Variants in NECTIN3 observed in about 807,000 individuals in gnomAD.
NECTIN3 encodes the protein nectin-3.
A neutral mutation model predicts 49.4 loss-of-function variants in NECTIN3; 8 were observed. That is an observed-to-expected ratio of 0.16 (90% CI 0.10 to 0.29). The LOEUF (loss-of-function observed/expected upper bound fraction) is 0.29. Among genes scored for constraint, NECTIN3 ranks in the 10% least tolerant of loss-of-function variants. NECTIN3 has a pLI of 1.00. For synonymous variants in NECTIN3, 277 were observed against 241.1 expected, an observed-to-expected ratio of 1.15 and a Z score of -1.38; for missense variants, 581 against 654.6, an observed-to-expected ratio of 0.89 and a Z score of 1.23.
chr3:111,178,618 C>T (rs2035573709), intron 7 of NECTIN3, among the ~76,000 whole-genome samples: 1 of 152,180 alleles, frequency 6.6e-6, no homozygotes, highest in African/African-American at 2.4e-5. Flanking sequence ...AACTTAGACT[C>T]GTACGGATGA....
chr3:111,108,344 C>G (rs1248639600), intron 1 of NECTIN3, among the ~76,000 whole-genome samples: 1 of 151,534 alleles, frequency 6.6e-6, no homozygotes, highest in Non-Finnish European at 1.5e-5. Context: ...GAGAGAGAGG[C>G]TTTCCTAACC....
chr3:111,130,061 A>G (rs1393042110), intron 5 of NECTIN3, among the ~76,000 whole-genome samples: 1 of 137,886 alleles, frequency 7.3e-6, no homozygotes, highest in East Asian at 2.2e-4. Flanking sequence ...GTTCACGGCC[A>G]CTCTCCTGCC....
intron 1 of NECTIN3, among the ~76,000 whole-genome samples, chr3:111,091,399 C>T (rs547141311): frequency 3.3e-5 from 5 of 152,140 alleles, no homozygotes; most frequent in South Asian, 4.2e-4. Flanking sequence ...GGACTACAGG[C>T]GCCCACTATG....
At chr3:111,097,115 G>C (rs868231639) in intron 1 of NECTIN3, among the ~76,000 whole-genome samples, 1 of 152,240 alleles carries the variant, frequency 6.6e-6, no homozygotes, top group Non-Finnish European at 1.5e-5. Flanking sequence ...CAGGGGCAGA[G>C]CTTCCCAAGA....
At chr3:111,110,871 C>T (rs1325716364) in intron 1 of NECTIN3, among the ~76,000 whole-genome samples, 1 of 151,824 alleles carries the variant, frequency 6.6e-6, no homozygotes, top group African/African-American at 2.4e-5. Flanking sequence ...TTTGTTTATT[C>T]CTCTAAAAAA....
intron 1 of NECTIN3, among the ~76,000 whole-genome samples, chr3:111,105,982 C>CTTTTTTT (rs34682420): frequency 7.7e-6 from 1 of 129,446 alleles, no homozygotes. Context: ...CTTACCAGTG[C>CTTTTTTT]TTTTTTTTTT....
intron 7 of NECTIN3, among the ~76,000 whole-genome samples, chr3:111,183,491 T>A (rs111365948): frequency 6.6e-6 from 1 of 152,046 alleles, no homozygotes; most frequent in Non-Finnish European, 1.5e-5. Flanking sequence ...TTTTTGTATT[T>A]TTATTAGAGA....
chr3:111,123,103 A>AT (rs1285435595), intron 4 of NECTIN3, among the ~76,000 whole-genome samples: 1 of 151,950 alleles, frequency 6.6e-6, no homozygotes, highest in Non-Finnish European at 1.5e-5. Context: ...GCGTCTTCTC[A>AT]TAAGACGGAG....
intron 6 of NECTIN3, among the ~76,000 whole-genome samples, chr3:111,147,161 T>A (rs899590515): frequency 6.6e-6 from 1 of 152,198 alleles, no homozygotes; most frequent in East Asian, 1.9e-4. Context: ...CTATTTTAAT[T>A]CCTTCTTTAA....
intron 1 of NECTIN3, chr3:111,072,423 G>A (rs1338553719): frequency 6.5e-7 from 1 of 1,530,716 alleles, no homozygotes; most frequent in Non-Finnish European, 8.7e-7. Context: ...CGTGCGGATG[G>A]CCGAGGGTTG....
intron 1 of NECTIN3, among the ~76,000 whole-genome samples, chr3:111,100,776 G>GT (rs1462741826): frequency 6.8e-6 from 1 of 147,502 alleles, no homozygotes; most frequent in Non-Finnish European, 1.5e-5. Flanking sequence ...AATTGCAACA[G>GT]TTTCACAGGT....
chr3:111,127,058 T>G (rs2107480332), intron 5 of NECTIN3, among the ~76,000 whole-genome samples: 1 of 152,314 alleles, frequency 6.6e-6, no homozygotes, highest in South Asian at 2.1e-4. Flanking sequence ...AATAAAATAT[T>G]TTGAGCATCT....
chr3:111,156,025 T>C (rs966778222), intron 7 of NECTIN3, among the ~76,000 whole-genome samples: 1 of 152,204 alleles, frequency 6.6e-6, no homozygotes, highest in Non-Finnish European at 1.5e-5. Context: ...TTCACATATT[T>C]ATGTCCTTGT....
intron 7 of NECTIN3, among the ~76,000 whole-genome samples, chr3:111,179,994 A>G (rs1274633736): frequency 6.6e-6 from 1 of 152,098 alleles, no homozygotes; most frequent in East Asian, 1.9e-4. Context: ...TAGAGAACTA[A>G]TAATTAACTT....
chr3:111,118,284 T>TATATATATATATATATA (rs1559789405), intron 2 of NECTIN3, among the ~76,000 whole-genome samples: 5 of 49,530 alleles, frequency 1.0e-4, no homozygotes, highest in African/African-American at 2.6e-4. Flanking sequence ...ATATATATAT[T>TATATATATATATATATA]ATACATATAT....
intron 7 of NECTIN3, among the ~76,000 whole-genome samples, chr3:111,184,565 T>C (rs2035685923): frequency 6.6e-6 from 1 of 152,178 alleles, no homozygotes; most frequent in Non-Finnish European, 1.5e-5. Flanking sequence ...CCAAATAAAC[T>C]TCTATTGTTT....
chr3:111,085,068 A>T (rs891276954), intron 1 of NECTIN3, among the ~76,000 whole-genome samples: 2 of 152,186 alleles, frequency 1.3e-5, no homozygotes, highest in African/African-American at 2.4e-5. Flanking sequence ...CTGCATTATT[A>T]CAATCTCTGA....
downstream of NECTIN3, among the ~76,000 whole-genome samples, chr3:111,141,816 A>T (rs1271840806): frequency 6.6e-6 from 1 of 151,922 alleles, no homozygotes; most frequent in Non-Finnish European, 1.5e-5. Flanking sequence ...CTCTTAATAG[A>T]ACATCTCCTT....
chr3:111,192,578 A>G (rs2035831732), intron 1 of NECTIN3, among the ~76,000 whole-genome samples: 1 of 152,206 alleles, frequency 6.6e-6, no homozygotes, highest in Non-Finnish European at 1.5e-5. Context: ...GAAGTAATCA[A>G]GTTTTATGAA....
Sources: gnomAD v4.1 joint callset for allele counts (sites outside exome capture counted in the v4.1 genomes callset) on GRCh38, gnomAD v4.1.1 for gene constraint, MANE v1.5 for transcripts, NCBI Gene and HGNC (gene_info 2026-07-23, HGNC 2026-07-21) for gene names.